The following MDGA2 variants were observed in gnomAD, a reference collection of about 807,000 sequenced individuals.
The protein encoded by MDGA2 is MAM domain-containing glycosylphosphatidylinositol anchor protein 2.
MDGA2 carries 40 observed loss-of-function variants against 117.8 expected under a neutral mutation model. The observed-to-expected ratio is 0.34, with a 90% CI of 0.26 to 0.44. The LOEUF (loss-of-function observed/expected upper bound fraction) is 0.44. MDGA2 is among the 20% of genes least tolerant of loss of function. MDGA2 has a pLI of 1.00. For missense variants in MDGA2, 1,123 were observed against 1,250.6 expected, an observed-to-expected ratio of 0.90 and a Z score of 1.54; for synonymous variants, 452 against 439.0, an observed-to-expected ratio of 1.03 and a Z score of -0.37.
At chr14:47,621,137 T>C (rs1044933126) in intron 1 of MDGA2, among the ~76,000 whole-genome samples, 5 of 152,176 alleles carry the variant, frequency 3.3e-5, no homozygotes, top group African/African-American at 9.7e-5. Context: ...TCTCATTAAC[T>C]CCCACCACTC....
In MDGA2 at chr14:47,472,392, G is replaced by T. The variant is rs531014847; in HGVS notation, c.281-170842C>A. Among the ~76,000 whole-genome samples, 249 of 152,258 alleles carry T rather than the reference G, an allele frequency of 1.6e-3. 1 individual carries two copies. Among genetic ancestry groups the T allele is most frequent in the African/African-American group, 5.8e-3 (241 of 41,574 alleles). On this transcript the variant is annotated intron_variant, in intron 1 of 16. Transcript: ENST00000399232. ...TATCACGTCTAGGCTACAAATCTGT[G>T]CAGCAAGTTACTGTACTGAATACTT...
At chr14:47,244,508 T>C (rs1420883184) in intron 2 of MDGA2, among the ~76,000 whole-genome samples, 1 of 151,830 alleles carries the variant, frequency 6.6e-6, no homozygotes, top group African/African-American at 2.4e-5. Flanking sequence ...CAATTTTCCA[T>C]TGAAAGAATC....
In MDGA2 at chr14:47,482,866, C is replaced by T. The variant is rs565639640; in HGVS notation, c.281-181316G>A. ...TCTAGATATATTCTAAAAATATAGG[C>T]AAGAAGATTTTCTGAAGGATCGGAT... On this transcript the variant is annotated intron_variant, in intron 1 of 16. Transcript: ENST00000399232. Among the ~76,000 whole-genome samples, 4 of 141,686 alleles carry T rather than the reference C, an allele frequency of 2.8e-5. No individual in the cohort carries two copies. The South Asian group carries it at 8.9e-4, about 31-fold the overall frequency. 93.0% of individuals were successfully genotyped at this position (141,686 alleles called of 152,430 possible).
intron 1 of MDGA2, among the ~76,000 whole-genome samples, chr14:47,374,731 T>G (rs1891438643): frequency 6.6e-6 from 1 of 152,044 alleles, no homozygotes; most frequent in East Asian, 1.9e-4. Flanking sequence ...CATTTCTTTC[T>G]CAAACGGATG....
chr14:47,263,026 T>C (rs10484188), intron 2 of MDGA2, among the ~76,000 whole-genome samples: 96,638 of 151,886 alleles, frequency 0.64, 31,608 homozygotes, highest in African/African-American at 0.79. Flanking sequence ...AAGTGTGAGT[T>C]TTAGGGCCTA....
At chr14:47,053,690 CAT>C (rs1288480014) in intron 7 of MDGA2, among the ~76,000 whole-genome samples, 5 of 145,356 alleles carry the variant, frequency 3.4e-5, no homozygotes, top group East Asian at 2.0e-4. Flanking sequence ...TACACACACA[CAT>C]ATATGTCTGA....
intron 1 of MDGA2, among the ~76,000 whole-genome samples, chr14:47,448,636 T>C (rs375522287): frequency 4.6e-5 from 7 of 152,308 alleles, no homozygotes; most frequent in African/African-American, 1.7e-4. Flanking sequence ...CTTCTCTTTA[T>C]GAACCTCTTC....
chr14:46,849,051 C>A (rs995558089), intron 15 of MDGA2, among the ~76,000 whole-genome samples: 1 of 151,922 alleles, frequency 6.6e-6, no homozygotes, highest in Non-Finnish European at 1.5e-5. Flanking sequence ...AAGGTAATTT[C>A]TTTAAGCATA....
intron 6 of MDGA2, among the ~76,000 whole-genome samples, chr14:47,062,623 T>C (rs1408352886): frequency 1.3e-5 from 2 of 151,970 alleles, no homozygotes; most frequent in East Asian, 3.8e-4. Flanking sequence ...CATCCACTTT[T>C]AACATTAAGC....
chr14:47,581,647 AT>A (rs1172700868), intron 1 of MDGA2, among the ~76,000 whole-genome samples: 2 of 151,970 alleles, frequency 1.3e-5, no homozygotes, highest in Non-Finnish European at 2.9e-5. Context: ...CCATTTGCCA[AT>A]TCAGAGTAAA....
chr14:47,558,604 G>A (rs1256680483), intron 1 of MDGA2, among the ~76,000 whole-genome samples: 1 of 152,202 alleles, frequency 6.6e-6, no homozygotes, highest in East Asian at 1.9e-4. Flanking sequence ...TCTGCTTTCA[G>A]GGAGAGCACA....
chr14:47,151,573 G>A (rs1405259477), intron 3 of MDGA2, among the ~76,000 whole-genome samples: 1 of 151,796 alleles, frequency 6.6e-6, no homozygotes, highest in Non-Finnish European at 1.5e-5. Flanking sequence ...ACTCTCTTCT[G>A]TTATTGTTAT....
intron 1 of MDGA2, among the ~76,000 whole-genome samples, chr14:47,529,992 T>A (rs1306500372): frequency 6.6e-6 from 1 of 152,202 alleles, no homozygotes; most frequent in Non-Finnish European, 1.5e-5. Flanking sequence ...CATGCAGGAT[T>A]GTGTAAAAAC....
At chr14:47,636,867 G>T (rs1389278151) in intron 1 of MDGA2, among the ~76,000 whole-genome samples, 1 of 149,014 alleles carries the variant, frequency 6.7e-6, no homozygotes, top group Non-Finnish European at 1.5e-5. Flanking sequence ...AGCTACTCGG[G>T]AGGCTGAGGC....
At chr14:47,025,959 C>T (rs1954250) in intron 8 of MDGA2, among the ~76,000 whole-genome samples, 130,264 of 152,104 alleles carry the variant, frequency 0.86, 55,876 homozygotes, top group East Asian at 0.97. Flanking sequence ...ATACCAAATA[C>T]GCCTCTAGTA....
intron 1 of MDGA2, among the ~76,000 whole-genome samples, chr14:47,404,189 C>A (rs924329872): frequency 4.5e-5 from 5 of 111,580 alleles, no homozygotes; most frequent in South Asian, 2.7e-4. Flanking sequence ...ATAATACCAA[C>A]CTTTTTTTTT....
chr14:46,881,596 CG>C (rs1169846771), intron 11 of MDGA2, among the ~76,000 whole-genome samples: 2 of 152,030 alleles, frequency 1.3e-5, no homozygotes, highest in African/African-American at 4.8e-5. Flanking sequence ...GTCAGGGAGA[CG>C]GGGCTCTGTA....
chr14:46,932,472 A>T (rs961592466), intron 9 of MDGA2, among the ~76,000 whole-genome samples: 2 of 152,110 alleles, frequency 1.3e-5, no homozygotes, highest in African/African-American at 4.8e-5. Context: ...AAATGATCTA[A>T]ATTTAAAAAT....
At chr14:47,469,060 T>C (rs1196121478) in intron 1 of MDGA2, among the ~76,000 whole-genome samples, 2 of 152,172 alleles carry the variant, frequency 1.3e-5, no homozygotes, top group Non-Finnish European at 2.9e-5. Context: ...ATGACCTACA[T>C]AATAGCATAA....
Sources: gnomAD v4.1 joint callset for allele counts (sites outside exome capture counted in the v4.1 genomes callset) on GRCh38, gnomAD v4.1.1 for gene constraint, MANE v1.5 for transcripts, NCBI Gene and HGNC (gene_info 2026-07-23, HGNC 2026-07-21) for gene names.